The following GRM1 variants were observed in gnomAD, a reference collection of about 807,000 sequenced individuals.
The protein encoded by GRM1 is metabotropic glutamate receptor 1.
Under a neutral mutation model 90.9 loss-of-function variants are expected in GRM1, and 33 were observed. The observed-to-expected ratio is 0.36, with a 90% CI of 0.28 to 0.49. The LOEUF is 0.49. GRM1 is among the 20% of genes least tolerant of loss of function. GRM1 has a pLI of 0.99. For synonymous variants in GRM1, 700 were observed against 613.2 expected, an observed-to-expected ratio of 1.14 and a Z score of -2.09; for missense variants, 1,190 against 1,534.3, an observed-to-expected ratio of 0.78 and a Z score of 3.75.
At chr6:146,376,522 A>G (rs889408854) in intron 5 of GRM1, among the ~76,000 whole-genome samples, 4 of 152,022 alleles carry the variant, frequency 2.6e-5, no homozygotes, top group African/African-American at 9.7e-5. Context: ...TGTGTCCTTC[A>G]TGTGTGAAGG....
chr6:146,264,567 A>G (rs1163782093), intron 2 of GRM1, among the ~76,000 whole-genome samples: 1 of 151,252 alleles, frequency 6.6e-6, no homozygotes, highest in Non-Finnish European at 1.5e-5. Flanking sequence ...GGTTTGTTAC[A>G]TGTGTAGGTT....
intron 5 of GRM1, among the ~76,000 whole-genome samples, chr6:146,379,357 T>G (rs1776231577): frequency 6.6e-6 from 1 of 151,414 alleles, no homozygotes; most frequent in South Asian, 2.1e-4. Flanking sequence ...CCATTCTGCA[T>G]TAAGACTCTG....
Position 146,399,345 on chromosome 6 carries a change from A to G in GRM1, c.2306A>G (p.Tyr769Cys). 1.2e-6 allele frequency: 2 copies of G among 1,614,094 alleles called. No individual in the cohort carries two copies. The highest frequency in any genetic ancestry group is 2.2e-5 in the South Asian group (2 of 91,074). Residue 769 changes from tyrosine (Y) to cysteine (C), a missense_variant, in exon 7 of 8, where the codon TAC becomes TGC. Transcript: ENST00000282753. The surrounding 1 kb of genome is among the most constrained non-coding windows in gnomAD (Gnocchi z 5.4). ...GGACTCCTCATCATGAGCTGTACCT[A>G]CTATGCCTTCAAGACCCGCAACGTG... ...YNGLLIMSCTYYAFKTRNVPA... is the reference protein window; with the variant it reads ...YNGLLIMSCTCYAFKTRNVPA...
chr6:146,060,711 A>G (rs1282213332), intron 1 of GRM1, among the ~76,000 whole-genome samples: 2 of 152,160 alleles, frequency 1.3e-5, no homozygotes, highest in Admixed American at 6.6e-5. Context: ...TAATAAACAT[A>G]TGCACATGGG....
At chr6:146,031,770 G>A (rs886250824) in intron 1 of GRM1, among the ~76,000 whole-genome samples, 2 of 151,988 alleles carry the variant, frequency 1.3e-5, no homozygotes, top group Non-Finnish European at 2.9e-5. Context: ...TTTAGTGCTT[G>A]CTTAAATGAA....
At chr6:146,104,237 G>C (rs965340287) in intron 1 of GRM1, among the ~76,000 whole-genome samples, 1 of 152,128 alleles carries the variant, frequency 6.6e-6, no homozygotes. Flanking sequence ...TCAGGAGATT[G>C]AGACCATCCT....
intron 2 of GRM1, among the ~76,000 whole-genome samples, chr6:146,270,961 C>CCT (rs1782133523): frequency 7.6e-6 from 1 of 131,226 alleles, no homozygotes; most frequent in African/African-American, 3.1e-5. Flanking sequence ...TCCTTTCTTT[C>CCT]TTTCTTTTTT....
chr6:146,330,484 C>A (rs1784550210), intron 3 of GRM1, among the ~76,000 whole-genome samples: 1 of 152,230 alleles, frequency 6.6e-6, no homozygotes, highest in East Asian at 1.9e-4. Flanking sequence ...CTATACATAA[C>A]AAACTCCTAC....
At chr6:146,417,902 A>G (rs1777844269) in intron 7 of GRM1, among the ~76,000 whole-genome samples, 1 of 152,140 alleles carries the variant, frequency 6.6e-6, no homozygotes, top group Non-Finnish European at 1.5e-5. Context: ...TTGTCATCTA[A>G]AGTCTCTCTG....
chr6:146,048,961 T>C (rs1217539967), intron 1 of GRM1, among the ~76,000 whole-genome samples: 1 of 151,994 alleles, frequency 6.6e-6, no homozygotes, highest in Admixed American at 6.6e-5. Flanking sequence ...GTATGCTACT[T>C]TGTTACAGCA....
Position 146,029,330 on chromosome 6 carries a change from C to T in GRM1, c.-188C>T. 2 of 638,594 alleles carry T rather than the reference C, an allele frequency of 3.1e-6. No individual in the cohort carries two copies. Among genetic ancestry groups the T allele is most frequent in the African/African-American group, 1.8e-5 (1 of 55,082 alleles). 39.6% of individuals were successfully genotyped at this position (638,594 alleles called of 1,614,324 possible). ...AGCTTGTAGAGGCGGTCGTGGAGGA[C>T]CCAGAGGAGGAGACGAAGGGGAAGG... is the stretch of plus-strand genomic sequence containing the variant. On this transcript the variant is annotated 5_prime_UTR_variant, in exon 1 of 8. Transcript: ENST00000282753.
chr6:146,388,372 T>C (rs1345809338), intron 6 of GRM1, among the ~76,000 whole-genome samples: 2 of 151,974 alleles, frequency 1.3e-5, no homozygotes, highest in African/African-American at 4.8e-5. Context: ...TTCTTGATGG[T>C]TGGACATTTT....
intron 1 of GRM1, among the ~76,000 whole-genome samples, chr6:146,034,858 A>C (rs757068365): frequency 1.3e-5 from 2 of 152,042 alleles, no homozygotes; most frequent in Non-Finnish European, 2.9e-5. Flanking sequence ...CTTTAAGTAA[A>C]GATTTACTGC....
At chr6:146,361,075 G>C (rs1300123308) in intron 5 of GRM1, among the ~76,000 whole-genome samples, 2 of 152,184 alleles carry the variant, frequency 1.3e-5, no homozygotes, top group African/African-American at 4.8e-5. Flanking sequence ...GGCAGCTACT[G>C]AGGAAGCCAG....
Position 146,030,058 on chromosome 6 carries a change from C to G in GRM1, c.541C>G (p.Pro181Ala). ...GAACCTGCTCCAGCTCTTCGACATC[C>G]CCCAGATCGCTTATTCAGCCACAAG... ...VQNLLQLFDI[P>A]QIAYSATSID... is the part of the protein sequence containing the mutation. The change falls in exon 1 of 8, where the codon CCC becomes GCC. Residue 181 changes from proline (P) to alanine (A), a missense_variant. By Grantham distance (27) the Pro-to-Ala change is conservative. Transcript: ENST00000282753. 1 of 1,614,190 alleles carries G rather than the reference C, an allele frequency of 6.2e-7. No homozygotes were observed. The highest frequency in any genetic ancestry group is 1.1e-5 in the South Asian group (1 of 91,084).
chr6:146,364,421 T>C (rs2115072267), intron 5 of GRM1, among the ~76,000 whole-genome samples: 1 of 152,330 alleles, frequency 6.6e-6, no homozygotes, highest in Non-Finnish European at 1.5e-5. Context: ...GATTACTACC[T>C]GATTGGCACT....
At chr6:146,323,873 C>G (rs562617010) in intron 3 of GRM1, among the ~76,000 whole-genome samples, 11 of 152,188 alleles carry the variant, frequency 7.2e-5, no homozygotes, top group African/African-American at 1.7e-4. Flanking sequence ...GCTTGTTTTT[C>G]TCAGGTTTGT....
chr6:146,396,090 A>ATCTATCTATCTGTCTG (rs1443951117), intron 6 of GRM1, among the ~76,000 whole-genome samples: 2 of 150,660 alleles, frequency 1.3e-5, no homozygotes, highest in Admixed American at 6.6e-5. Flanking sequence ...CTATCTATCT[A>ATCTATCTATCTGTCTG]TCTATCTATC....
At chr6:146,307,943 T>G (rs1180842335) in intron 3 of GRM1, among the ~76,000 whole-genome samples, 9 of 152,180 alleles carry the variant, frequency 5.9e-5, no homozygotes, top group Admixed American at 4.6e-4. Context: ...ACTGCTTAAT[T>G]AGTTGAGTAT....
Sources: gnomAD v4.1 joint callset for allele counts (sites outside exome capture counted in the v4.1 genomes callset) on GRCh38, gnomAD v4.1.1 for gene constraint, Gnocchi (gnomAD v3.1) non-coding constraint, MANE v1.5 for transcripts, NCBI Gene and HGNC (gene_info 2026-07-23, HGNC 2026-07-21) for gene names.